CNGA1: variants seen among roughly 807,000 people sequenced by gnomAD.
CNGA1 encodes cyclic nucleotide-gated channel alpha-1.
In CNGA1, 53 loss-of-function variants were observed where a neutral mutation model predicts 69.7. That is an observed-to-expected ratio of 0.76 (90% CI 0.61 to 0.96). CNGA1 has a LOEUF of 0.96. Among genes scored for constraint, CNGA1 ranks in the 40% least tolerant of loss-of-function variants. The probability of loss-of-function intolerance (pLI) is 0.00; values close to 1 mark genes in which losing one functional copy is unlikely to be tolerated. For synonymous variants in CNGA1, 249 were observed against 283.5 expected (o/e 0.88, Z 1.22); for missense variants, 739 against 811.2 (o/e 0.91, Z 1.08).
intron 2 of CNGA1, among the ~76,000 whole-genome samples, chr4:47,992,725 A>G (rs1014576817): frequency 6.6e-6 from 1 of 151,698 alleles, no homozygotes; most frequent in Non-Finnish European, 1.5e-5. Flanking sequence ...TTCCAGTGCT[A>G]TGTTGAAGAG....
intron 3 of CNGA1, among the ~76,000 whole-genome samples, chr4:47,969,880 C>T (rs931575087): frequency 6.6e-6 from 1 of 152,190 alleles, no homozygotes; most frequent in Non-Finnish European, 1.5e-5. Flanking sequence ...CTACTAGCCA[C>T]AGGAAGTGTA....
intron 2 of CNGA1, among the ~76,000 whole-genome samples, chr4:48,005,381 G>C (rs1352950553): frequency 6.6e-6 from 1 of 152,170 alleles, no homozygotes; most frequent in East Asian, 1.9e-4. Flanking sequence ...CTTCCAAAGT[G>C]CTGGGATTAC....
chr4:47,952,766 A>G, intron 3 of CNGA1, 63 bp from the exon 4 acceptor site: 1 of 1,274,764 alleles, frequency 7.8e-7, no homozygotes, highest in Non-Finnish European at 1.1e-6. Context: ...ATATAATCAA[A>G]AGTTTCACCC....
chr4:47,991,053 T>C lies in CNGA1; in HGVS notation c.-122-9553A>G, dbSNP rs1426146144. On this transcript the variant is annotated intron_variant, in intron 2 of 10. Coordinates refer to ENST00000514170, the MANE Select transcript of CNGA1 (RefSeq NM_001379270.1). The stretch of plus-strand genomic sequence containing the variant: ...ACACCATGATCTCTTTATCCACTCA[T>C]TGATTCATGGGCATTTGGACTGATT... 2.6e-5 allele frequency among the ~76,000 whole-genome samples: 4 copies of C among 152,328 alleles called. No individual in the cohort carries two copies. In the East Asian group the frequency reaches 7.7e-4, roughly 29 times the overall value.
intron 8 of CNGA1, 172 bp downstream of exon 8, chr4:47,943,009 C>G (rs1739189206): frequency 1.8e-6 from 1 of 542,428 alleles, no homozygotes; most frequent in African/African-American, 1.9e-5. Flanking sequence ...AGTTTTAATT[C>G]ACTTCTGATA....
chr4:48,015,927 A>T (rs903297664), intron 1 of CNGA1, among the ~76,000 whole-genome samples: 1 of 152,172 alleles, frequency 6.6e-6, no homozygotes, highest in Non-Finnish European at 1.5e-5. Context: ...AATACCTGCT[A>T]TCAGGTCTTC....
chr4:47,938,134 C>T (rs1165567222), intron 10 of CNGA1, among the ~76,000 whole-genome samples: 1 of 147,822 alleles, frequency 6.8e-6, no homozygotes, highest in Non-Finnish European at 1.5e-5. Flanking sequence ...CATGATAGCA[C>T]TACTGCATTC....
At chr4:48,000,685 A>T (rs538918632) in intron 2 of CNGA1, among the ~76,000 whole-genome samples, 54 of 151,674 alleles carry the variant, frequency 3.6e-4, no homozygotes, top group East Asian at 1.6e-3. Context: ...GTGATTTTTT[A>T]AAAAAATTAA....
At chr4:48,009,724 A>C (rs537684638) in intron 2 of CNGA1, among the ~76,000 whole-genome samples, 1 of 152,204 alleles carries the variant, frequency 6.6e-6, no homozygotes, top group South Asian at 2.1e-4. Context: ...GAATTGCTTA[A>C]ACCCAAGAGA....
At chr4:47,942,632 G>T (rs1490090533) in intron 8 of CNGA1, among the ~76,000 whole-genome samples, 2 of 152,100 alleles carry the variant, frequency 1.3e-5, no homozygotes, top group Non-Finnish European at 2.9e-5. Flanking sequence ...TAGGAACCCA[G>T]CGGGCCACAC....
intron 3 of CNGA1, among the ~76,000 whole-genome samples, chr4:47,974,332 CTAATA>C (rs1741231953): frequency 1.3e-5 from 2 of 151,646 alleles, no homozygotes; most frequent in African/African-American, 4.8e-5. Context: ...ATATTTTCTC[CTAATA>C]TATTTCTAAA....
intron 3 of CNGA1, among the ~76,000 whole-genome samples, chr4:47,968,742 A>G (rs890367259): frequency 6.6e-6 from 1 of 152,124 alleles, no homozygotes. Context: ...ATTCAAGAGC[A>G]AACAGAAAAT....
At chr4:47,982,694 T>C (rs1741775805) in intron 2 of CNGA1, among the ~76,000 whole-genome samples, 2 of 152,176 alleles carry the variant, frequency 1.3e-5, no homozygotes, top group African/African-American at 4.8e-5. Flanking sequence ...ATCTATCTAA[T>C]GCGTTCTTTT....
At chr4:47,971,607 C>T (rs1338646700) in intron 3 of CNGA1, among the ~76,000 whole-genome samples, 9 of 151,934 alleles carry the variant, frequency 5.9e-5, no homozygotes, top group Admixed American at 3.3e-4. Context: ...TTTAAAAAAC[C>T]GTGGCCAGGC....
intron 3 of CNGA1, among the ~76,000 whole-genome samples, chr4:47,956,531 C>A (rs897857210): frequency 1.3e-5 from 2 of 152,200 alleles, no homozygotes; most frequent in African/African-American, 2.4e-5. Context: ...GAGCCCCAGC[C>A]CTTCTAATGA....
At position 47,942,106 on chromosome 4, in the gene CNGA1, T is replaced by C; in HGVS notation, c.480A>G (p.Thr160=). 2.5e-6 allele frequency: 4 copies of C among 1,613,898 alleles called. No individual in the cohort carries two copies. Among genetic ancestry groups the C allele is most frequent in the South Asian group, 1.1e-5 (1 of 91,068 alleles). ...EVVVIDPSGN[T]YYNWLFCITL... The stretch of plus-strand genomic sequence containing the variant: ...TGATGCAAAACAGCCAGTTGTAATA[T>C]GTGTTTCCCGAGGGATCAATAACCA... Residue 160 remains threonine, a synonymous_variant, in exon 9 of 11, where the codon ACA becomes ACG. Coordinates refer to ENST00000514170, the MANE Select transcript of CNGA1 (RefSeq NM_001379270.1).
chr4:48,002,635 T>C (rs1027069038), intron 2 of CNGA1, among the ~76,000 whole-genome samples: 3 of 140,698 alleles, frequency 2.1e-5, no homozygotes, highest in Non-Finnish European at 3.0e-5. Context: ...GGTGGGACCA[T>C]AGGAGCTGGG....
chr4:48,001,172 T>C (rs898119559), intron 2 of CNGA1, among the ~76,000 whole-genome samples: 8 of 152,082 alleles, frequency 5.3e-5, no homozygotes, highest in African/African-American at 1.4e-4. Context: ...GTCATAATAA[T>C]AAATGTTAAT....
At chr4:47,942,209 A>T in intron 8 of CNGA1, 61 bp from the exon 9 acceptor site, 1 of 1,037,786 alleles carries the variant, frequency 9.6e-7, no homozygotes, top group Non-Finnish European at 1.5e-6. Flanking sequence ...TTTATTTACC[A>T]TGTTAAACAT....
Sources: allele counts gnomAD v4.1 joint callset (sites outside exome capture counted in the v4.1 genomes callset), GRCh38; gene constraint gnomAD v4.1.1; transcripts MANE v1.5; gene names NCBI Gene and HGNC (gene_info 2026-07-23, HGNC 2026-07-21).